CRPPA: variants seen among roughly 807,000 people sequenced by gnomAD.
The protein encoded by CRPPA is CDP-L-ribitol pyrophosphorylase A, also known as D-ribitol-5-phosphate cytidylyltransferase.
CRPPA carries 43 observed loss-of-function variants against 52.0 expected under a neutral mutation model. That is an observed-to-expected ratio of 0.83 (90% CI 0.65 to 1.07). The LOEUF is 1.07. Ranked by LOEUF, CRPPA falls within the 50% of genes least tolerant of loss-of-function variation. The pLI, the probability that CRPPA is intolerant of heterozygous loss-of-function variation, is 0.00. For missense variants in CRPPA, 629 were observed against 551.7 expected, an observed-to-expected ratio of 1.14 and a Z score of -1.40; for synonymous variants, 250 against 203.5, an observed-to-expected ratio of 1.23 and a Z score of -1.94.
intron 6 of CRPPA, chr7:16,269,881 T>C (rs766766553): frequency 5.3e-5 from 8 of 152,132 alleles, no homozygotes; most frequent in African/African-American, 9.7e-5. Flanking sequence ...TTTGCAAACA[T>C]CATGTATCCT....
At chr7:16,318,605 C>G (rs1294038364) in intron 3 of CRPPA, among the ~76,000 whole-genome samples, 1 of 152,188 alleles carries the variant, frequency 6.6e-6, no homozygotes, top group Non-Finnish European at 1.5e-5. Context: ...CTCCAAGCTA[C>G]AGGGCTGTGA....
chr7:16,155,018 C>G (rs1783150585), intron 9 of CRPPA, among the ~76,000 whole-genome samples: 2 of 149,292 alleles, frequency 1.3e-5, no homozygotes, highest in South Asian at 4.2e-4. Flanking sequence ...AGGGTTTCAC[C>G]ATGTTGGTTA....
rs1452396575 is a variant in CRPPA, at chr7:16,134,121, C to T, written c.1252-42322G>A. 6.5e-5 allele frequency among the ~76,000 whole-genome samples: 8 copies of T among 123,842 alleles called. 3 individuals carry two copies. In the East Asian group the frequency reaches 2.8e-3, roughly 44 times the overall value. The allele number at this position is 123,842 out of a possible 152,430, so 81.2% of individuals were successfully genotyped here. On this transcript the variant is annotated intron_variant, in intron 9 of 9. Transcript: ENST00000407010. ...TAATTTTTTGTATTTTTAGCAGAGA[C>T]GGGGTTTCACCATGTTAGTCAGGAT...
chr7:16,357,722 T>C (rs1413962744), intron 3 of CRPPA, among the ~76,000 whole-genome samples: 2 of 152,164 alleles, frequency 1.3e-5, no homozygotes, highest in Non-Finnish European at 2.9e-5. Flanking sequence ...AAAGATTTCA[T>C]ATAAGGTGTT....
chr7:16,202,983 C>T (rs912005201), intron 9 of CRPPA, among the ~76,000 whole-genome samples: 1 of 151,990 alleles, frequency 6.6e-6, no homozygotes, highest in African/African-American at 2.4e-5. Context: ...TAAAATAAAT[C>T]CCAAGTTTTA....
chr7:16,218,976 C>A (rs1278987391), intron 8 of CRPPA, among the ~76,000 whole-genome samples: 1 of 152,174 alleles, frequency 6.6e-6, no homozygotes, highest in Non-Finnish European at 1.5e-5. Context: ...CACCCCAAAT[C>A]AACAGAATAT....
At chr7:16,417,445 G>A (rs373769850) in intron 1 of CRPPA, among the ~76,000 whole-genome samples, 2 of 152,174 alleles carry the variant, frequency 1.3e-5, no homozygotes, top group African/African-American at 4.8e-5. Flanking sequence ...ATACACTATG[G>A]AATACTATGT....
intron 1 of CRPPA, among the ~76,000 whole-genome samples, chr7:16,413,300 A>G (rs1207642591): frequency 6.6e-6 from 1 of 152,160 alleles, no homozygotes; most frequent in Non-Finnish European, 1.5e-5. Context: ...CCTGCCTTAG[A>G]CTTACCACTT....
chr7:16,381,161 A>C (rs1042519493), intron 2 of CRPPA, among the ~76,000 whole-genome samples: 1 of 152,096 alleles, frequency 6.6e-6, no homozygotes, highest in African/African-American at 2.4e-5. Context: ...CACTGCTTTG[A>C]ATGAGTCCCA....
At chr7:16,274,314 TG>T (rs1195090228) in intron 6 of CRPPA, among the ~76,000 whole-genome samples, 5 of 152,156 alleles carry the variant, frequency 3.3e-5, no homozygotes, top group African/African-American at 1.2e-4. Context: ...CCCAAATTGC[TG>T]GGATTACGGA....
chr7:16,121,270 C>G (rs1490572944), intron 9 of CRPPA, among the ~76,000 whole-genome samples: 1 of 151,902 alleles, frequency 6.6e-6, no homozygotes, highest in Non-Finnish European at 1.5e-5. Context: ...AATTTTATAT[C>G]AAATTTAAAA....
Position 16,215,928 on chromosome 7 carries a change from A to G in CRPPA, c.1251+138T>C, listed in dbSNP as rs1782291701. On this transcript the variant is annotated intron_variant, in intron 9 of 9. Coordinates refer to ENST00000407010, the MANE Select transcript of CRPPA (RefSeq NM_001101426.4). ...CCTAGAGGCAAGAGGTTCTACTATTATAGCACACACATAGATGAGTAACTT... is the reference window on the plus strand; with the variant it reads ...CCTAGAGGCAAGAGGTTCTACTATTGTAGCACACACATAGATGAGTAACTT... 8 of 608,018 alleles carry G rather than the reference A, an allele frequency of 1.3e-5. No homozygotes were observed. The South Asian group carries it at 2.1e-4, about 16-fold the overall frequency. The allele number at this position is 608,018 out of a possible 1,614,324, so 37.7% of individuals were successfully genotyped here. A position where few individuals can be genotyped will look rare whatever the true frequency, so the allele number is the denominator to read the frequency against.
Position 16,421,288 on chromosome 7 carries a change from G to C in CRPPA, c.35C>G (p.Ala12Gly). Residue 12 changes from alanine to glycine, a missense_variant, in exon 1 of 10, where the codon GCG becomes GGG. Physicochemically the swap from Ala to Gly is moderately conservative, Grantham distance 60. Coordinates refer to ENST00000407010, the MANE Select transcript of CRPPA (RefSeq NM_001101426.4). ...ACCACTCAGGCAAGGACCCGGCTCC[G>C]CCGGCCTGGCGCTGCCCGGCGGCCC... ...EAGPPGSARP[A>G]EPGPCLSGQR... The C allele has an allele frequency of 7.8e-7, 1 of 1,274,618 alleles. No individual in the cohort carries two copies. Among genetic ancestry groups the C allele is most frequent in the South Asian group, 3.0e-5 (1 of 33,814 alleles). 79.0% of individuals were successfully genotyped at this position (1,274,618 alleles called of 1,614,324 possible). A position where few individuals can be genotyped will look rare whatever the true frequency, so the allele number is the denominator to read the frequency against.
chr7:16,251,182 C>A (rs1483526691), intron 8 of CRPPA, among the ~76,000 whole-genome samples: 1 of 152,074 alleles, frequency 6.6e-6, no homozygotes, highest in African/African-American at 2.4e-5. Flanking sequence ...GCTAACTATC[C>A]TAAATATATA....
In CRPPA at chr7:16,091,581, A is replaced by T; in HGVS notation, c.*114T>A. 4.8e-6 allele frequency: 3 copies of T among 625,606 alleles called. No homozygotes were observed. The highest frequency in any genetic ancestry group is 8.4e-6 in the Non-Finnish European group (3 of 358,534). The allele number at this position is 625,606 out of a possible 1,614,324, so 38.8% of individuals were successfully genotyped here. On this transcript the variant is annotated 3_prime_UTR_variant, in exon 10 of 10. Transcript: ENST00000407010. ...CTAAGCATCACATCCTACAAATTAT[A>T]GAGAAGATATAAAAGACAACTGAAA... is the stretch of plus-strand genomic sequence containing the variant.
chr7:16,136,786 T>C (rs1408590125), intron 9 of CRPPA, among the ~76,000 whole-genome samples: 1 of 152,198 alleles, frequency 6.6e-6, no homozygotes, highest in Non-Finnish European at 1.5e-5. Flanking sequence ...TATACACATA[T>C]ACACGCATAC....
At chr7:16,142,365 C>A (rs1782890271) in intron 9 of CRPPA, among the ~76,000 whole-genome samples, 1 of 152,110 alleles carries the variant, frequency 6.6e-6, no homozygotes, top group Non-Finnish European at 1.5e-5. Flanking sequence ...CTAACTTGTA[C>A]ATTAATTTAA....
In CRPPA at chr7:16,302,542, C is replaced by T. The variant is rs191011337; in HGVS notation, c.790-1076G>A. Among the ~76,000 whole-genome samples, 499 of 152,226 alleles carry T rather than the reference C, an allele frequency of 3.3e-3. 1 individual carries two copies. The highest frequency in any genetic ancestry group is 3.5e-3 in the Non-Finnish European group (236 of 68,020). On this transcript the variant is annotated intron_variant, in intron 4 of 9. Coordinates refer to ENST00000407010, the MANE Select transcript of CRPPA (RefSeq NM_001101426.4). ...AGCTTTTATAAGGTCTTAAAAGCTA[C>T]ATTCAAGCACCTAGATATTTATGAT... is the stretch of plus-strand genomic sequence containing the variant.
intron 2 of CRPPA, among the ~76,000 whole-genome samples, chr7:16,391,360 C>G (rs1787439416): frequency 6.6e-6 from 1 of 152,184 alleles, no homozygotes. Flanking sequence ...CCACTTCTCA[C>G]TGTCTCTGCT....
Sources: gnomAD v4.1 joint callset for allele counts (sites outside exome capture counted in the v4.1 genomes callset) on GRCh38, gnomAD v4.1.1 for gene constraint, MANE v1.5 for transcripts, NCBI Gene and HGNC (gene_info 2026-07-23, HGNC 2026-07-21) for gene names.